The following TRPM2 variants were observed in gnomAD, a reference collection of about 807,000 sequenced individuals.
The protein encoded by TRPM2 is estrogen-responsive element-associated gene 1 protein.
TRPM2 carries 161 observed loss-of-function variants against 174.0 expected under a neutral mutation model. That is an observed-to-expected ratio of 0.93 (90% CI 0.81 to 1.05). The LOEUF is 1.05. Ranked by LOEUF, TRPM2 falls within the 50% of genes least tolerant of loss-of-function variation. TRPM2 has a pLI of 0.00. For synonymous variants in TRPM2, 954 were observed against 861.3 expected (o/e 1.11, Z -1.88); for missense variants, 2,057 against 2,038.0 (o/e 1.01, Z -0.18).
chr21:44,425,613 G>C, intron 24 of TRPM2, 57 bp from the exon 25 acceptor site: 1 of 1,431,128 alleles, frequency 7.0e-7, no homozygotes, highest in South Asian at 1.5e-5. Context: ...CTTGTCCTGC[G>C]GGCGGGCACC....
chr21:44,399,562 G>A lies in TRPM2; in HGVS notation c.2208+121G>A, dbSNP rs1022995802. On this transcript the variant is annotated intron_variant, in intron 14 of 31. Coordinates refer to ENST00000397928, the MANE Select transcript of TRPM2 (RefSeq NM_003307.4). The surrounding 1 kb of genome is among the most constrained non-coding windows in gnomAD (Gnocchi z 4.6). ...CAGGCTTCAGGGCCCTCAGCAGCTC[G>A]GGGACAGCGCCTGACCCCTCGGCCA... 18 of 1,366,700 alleles carry A rather than the reference G, an allele frequency of 1.3e-5. No homozygotes were observed. Among genetic ancestry groups the A allele is most frequent in the South Asian group, 1.5e-5 (1 of 64,914 alleles). The allele number at this position is 1,366,700 out of a possible 1,614,324, so 84.7% of individuals were successfully genotyped here.
chr21:44,386,783 A>G (rs1396855691), intron 9 of TRPM2, among the ~76,000 whole-genome samples: 1 of 152,110 alleles, frequency 6.6e-6, no homozygotes, highest in Non-Finnish European at 1.5e-5. Context: ...AGGGATCCCA[A>G]ACAGCCAAAA....
intron 22 of TRPM2, among the ~76,000 whole-genome samples, chr21:44,420,722 C>T (rs2238722): frequency 0.22 from 33,889 of 152,140 alleles, 3,873 homozygotes; most frequent in South Asian, 0.33. Flanking sequence ...AGGCGGCCTC[C>T]GCATGTCAGG....
At chr21:44,407,149 T>C (rs111913063) in intron 19 of TRPM2, among the ~76,000 whole-genome samples, 37 of 578 alleles carry the variant, frequency 0.064, no homozygotes, top group South Asian at 0.17. Context: ...CTTCCTCCCT[T>C]CCTTCCTTCC....
intron 20 of TRPM2, 55 bp from the exon 21 acceptor site, chr21:44,417,872 G>C: frequency 2.6e-6 from 4 of 1,562,634 alleles, no homozygotes; most frequent in Non-Finnish European, 3.5e-6. Flanking sequence ...GGTGAGAGGG[G>C]TCTGTTCTGG....
rs113287725 is a variant in TRPM2, at chr21:44,417,462, G to A, written c.3147-465G>A. ...TGCTCTCTGGCATCACAGTGTGCAC[G>A]TGGGCGTGGCTCTGCTCTCTGGCAT... is the stretch of plus-strand genomic sequence containing the variant. On this transcript the variant is annotated intron_variant, in intron 20 of 31. Transcript: ENST00000397928. Among the ~76,000 whole-genome samples, 237 of 118,358 alleles carry A rather than the reference G, an allele frequency of 2.0e-3. 3 individuals are homozygous for A. The highest frequency in any genetic ancestry group is 8.0e-3 in the African/African-American group (222 of 27,680). 77.6% of individuals were successfully genotyped at this position (118,358 alleles called of 152,430 possible). A position where few individuals can be genotyped will look rare whatever the true frequency, so the allele number is the denominator to read the frequency against.
intron 22 of TRPM2, chr21:44,422,385 G>A (rs968213685): frequency 1.2e-5 from 19 of 1,536,010 alleles, no homozygotes; most frequent in African/African-American, 4.1e-5. Context: ...AACCACCCTC[G>A]CATGTTTGCA....
intron 21 of TRPM2, 118 bp from the exon 22 acceptor site, chr21:44,418,305 G>C: frequency 6.9e-7 from 1 of 1,446,118 alleles, no homozygotes; most frequent in Non-Finnish European, 9.3e-7. Context: ...GTGTGCGATG[G>C]GCTCTTCCTG....
rs1305911841 is a variant in TRPM2 at position 44,432,422 on chromosome 21, T to G, written c.3975-2709T>G. 6.6e-6 allele frequency among the ~76,000 whole-genome samples: 1 copy of G among 152,332 alleles called. No individual in the cohort carries two copies. Among genetic ancestry groups the G allele is most frequent in the South Asian group, 2.1e-4 (1 of 4,834 alleles). On this transcript the variant is annotated intron_variant, in intron 27 of 31. Coordinates refer to ENST00000397928, the MANE Select transcript of TRPM2 (RefSeq NM_003307.4). The surrounding 1 kb of genome is among the most constrained non-coding windows in gnomAD (Gnocchi z 4.9). The stretch of plus-strand genomic sequence containing the variant: ...GGGTTTAGGGCCAACCCTATTCCAG[T>G]GTAGCTTCATCTTAACTAATTACAC...
chr21:44,403,594 G>C (rs973875794), intron 16 of TRPM2, among the ~76,000 whole-genome samples: 3 of 149,538 alleles, frequency 2.0e-5, no homozygotes, highest in Non-Finnish European at 4.4e-5. Context: ...GCACACACAT[G>C]CACACAGTAC....
chr21:44,428,452 GCCC>G (rs1444298761), intron 27 of TRPM2, among the ~76,000 whole-genome samples: 1 of 138,574 alleles, frequency 7.2e-6, no homozygotes, highest in South Asian at 2.3e-4. Flanking sequence ...CTTAGGTCTG[GCCC>G]CTCCCCTGAC....
intron 17 of TRPM2, among the ~76,000 whole-genome samples, 197 bp downstream of exon 17, chr21:44,405,457 G>A (rs1160012975): frequency 6.6e-6 from 1 of 152,156 alleles, no homozygotes; most frequent in East Asian, 1.9e-4. Flanking sequence ...CACAGAAGGG[G>A]CATGAGAGCT....
At chr21:44,397,664 C>A in intron 12 of TRPM2, 83 bp from the exon 13 acceptor site, 2 of 1,446,718 alleles carry the variant, frequency 1.4e-6, no homozygotes, top group Admixed American at 2.5e-5. Flanking sequence ...GCCTCGTTTT[C>A]ATCACCTGGG....
intron 20 of TRPM2, 121 bp downstream of exon 20, chr21:44,414,195 C>T (rs957927531): frequency 1.3e-4 from 167 of 1,283,966 alleles, no homozygotes; most frequent in East Asian, 2.6e-4. Context: ...TGCACAGAGG[C>T]GCGTCACTCA....
chr21:44,437,254 C>CCAGCCCCCTGCAGCCCCCTG (rs113722965), intron 29 of TRPM2, 87 bp downstream of exon 29: 1,049 of 1,301,628 alleles, frequency 8.1e-4, no homozygotes, highest in South Asian at 1.7e-3. Context: ...GGACTGGACA[C>CCAGCCCCCTGCAGCCCCCTG]CAGCCCCCTG....
chr21:44,375,671 C>A (rs2048675665), intron 5 of TRPM2, among the ~76,000 whole-genome samples, 162 bp from the exon 6 acceptor site: 1 of 152,224 alleles, frequency 6.6e-6, no homozygotes, highest in Admixed American at 6.5e-5. Flanking sequence ...AAGTTAATCT[C>A]ATGTTTCGAT....
chr21:44,408,806 C>T (rs1356630840), intron 19 of TRPM2, among the ~76,000 whole-genome samples: 14 of 151,800 alleles, frequency 9.2e-5, no homozygotes, highest in Admixed American at 2.6e-4. Flanking sequence ...TACAGGCGCA[C>T]GCCACCACGC....
chr21:44,377,406 G>A (rs1460914641), intron 6 of TRPM2, among the ~76,000 whole-genome samples: 1 of 152,244 alleles, frequency 6.6e-6, no homozygotes, highest in Non-Finnish European at 1.5e-5. Context: ...AAGCAAGCGA[G>A]CGGGGAAGTG....
chr21:44,426,004 C>T (rs554907943), intron 25 of TRPM2, among the ~76,000 whole-genome samples, 177 bp downstream of exon 25: 469 of 152,302 alleles, frequency 3.1e-3, no homozygotes, highest in Non-Finnish European at 5.3e-3. Flanking sequence ...ACAGAGAAGT[C>T]AAGTCACAGG....
Sources: allele counts gnomAD v4.1 joint callset (sites outside exome capture counted in the v4.1 genomes callset), GRCh38; gene constraint gnomAD v4.1.1; non-coding constraint Gnocchi (gnomAD v3.1); transcripts MANE v1.5; gene names NCBI Gene and HGNC (gene_info 2026-07-23, HGNC 2026-07-21).